Variants in PRH1 observed in about 807,000 individuals in gnomAD.
PRH1 encodes proline rich protein HaeIII subfamily 1, also known as salivary acidic proline-rich phosphoprotein 1/2.
Under a neutral mutation model 7.9 loss-of-function variants are expected in PRH1, and 7 were observed. The ratio of observed to expected loss-of-function variants is 0.89; its 90% CI spans 0.50 to 1.67. PRH1 has a LOEUF of 1.67. Ranked by LOEUF, PRH1 falls within the 40% of genes most tolerant of loss-of-function variation. The pLI is 0.00. For missense variants in PRH1, 109 were observed against 223.6 expected, an observed-to-expected ratio of 0.49 and a Z score of 3.27; for synonymous variants, 45 against 80.8, an observed-to-expected ratio of 0.56 and a Z score of 2.38.
intron 2 of PRH1, among the ~76,000 whole-genome samples, chr12:10,943,295 A>C (rs1379146685): frequency 2.6e-5 from 4 of 152,076 alleles, no homozygotes; most frequent in Non-Finnish European, 4.4e-5. Flanking sequence ...ATGGTACCTC[A>C]TTGTGGTTTT....
rs778048620 is a variant in PRH1, at chr12:11,100,384, G to A, written n.124-53196C>T. 9.2e-5 allele frequency among the ~76,000 whole-genome samples: 14 copies of A among 152,180 alleles called. 1 individual carries two copies. The highest frequency in any genetic ancestry group is 1.6e-4 in the Non-Finnish European group (11 of 68,040). On this transcript the variant is annotated intron_variant and non_coding_transcript_variant, in intron 1 of 4. Coordinates refer to the PRH1 transcript ENST00000541977. ...TCCTCCTGCAACTTGGAAGAAACTG[G>A]AAATTGATTTGATGTGAGGAGTTTT... is the stretch of plus-strand genomic sequence containing the variant.
intron 1 of PRH1, among the ~76,000 whole-genome samples, chr12:11,154,785 C>T (rs1168874176): frequency 1.3e-5 from 2 of 152,150 alleles, no homozygotes; most frequent in Non-Finnish European, 2.9e-5. Flanking sequence ...TGCATTTCTT[C>T]TGGAAAGAAA....
At chr12:10,938,388 A>T in intron 2 of PRH1, 1 of 1,614,076 alleles carries the variant, frequency 6.2e-7, no homozygotes, top group Non-Finnish European at 8.5e-7. Context: ...GAGTGACATG[A>T]AGGATAAGCC....
intron 2 of PRH1, among the ~76,000 whole-genome samples, chr12:10,921,811 G>A (rs1950049003): frequency 6.6e-6 from 1 of 152,084 alleles, no homozygotes; most frequent in South Asian, 2.1e-4. Context: ...TGTCACCCGG[G>A]GCTGGAGTGC....
chr12:11,139,499 C>T (rs2708369), intron 1 of PRH1, among the ~76,000 whole-genome samples: 69,204 of 151,930 alleles, frequency 0.46, 16,550 homozygotes, highest in Non-Finnish European at 0.53. Flanking sequence ...AAGATCATTC[C>T]AAATGTATTT....
intron 2 of PRH1, among the ~76,000 whole-genome samples, chr12:10,900,438 C>A (rs1303467774): frequency 6.6e-6 from 1 of 152,186 alleles, no homozygotes; most frequent in African/African-American, 2.4e-5. Flanking sequence ...CGTAGCTGTG[C>A]AGGCATTTTA....
At chr12:10,884,078 C>T in intron 1 of PRH1, 76 bp downstream of exon 1, 3 of 1,573,772 alleles carry the variant, frequency 1.9e-6, no homozygotes, top group Non-Finnish European at 1.7e-6. Flanking sequence ...CCTCTCTTCC[C>T]TCCACTTTCC....
chr12:10,956,705 A>T (rs1346586428), intron 2 of PRH1, among the ~76,000 whole-genome samples: 1 of 152,162 alleles, frequency 6.6e-6, no homozygotes, highest in Non-Finnish European at 1.5e-5. Context: ...GGTCTGATAA[A>T]CAAACTCAGC....
chr12:11,063,146 T>C (rs1943682703), intron 1 of PRH1, among the ~76,000 whole-genome samples: 1 of 152,128 alleles, frequency 6.6e-6, no homozygotes, highest in South Asian at 2.1e-4. Context: ...TCAAGACTAA[T>C]GTTTAAATAT....
intron 1 of PRH1, among the ~76,000 whole-genome samples, chr12:11,138,812 G>A (rs1298334682): frequency 6.6e-6 from 1 of 151,970 alleles, no homozygotes; most frequent in African/African-American, 2.4e-5. Context: ...GCTGAGGCAG[G>A]TGGATTGCCT....
At chr12:11,019,321 A>G (rs1243681119) in intron 1 of PRH1, among the ~76,000 whole-genome samples, 1 of 149,018 alleles carries the variant, frequency 6.7e-6, no homozygotes, top group Non-Finnish European at 1.5e-5. Flanking sequence ...CAGCAAAATC[A>G]TATCAACATC....
chr12:10,892,054 A>T (rs184197827), intron 2 of PRH1: 1 of 152,116 alleles, frequency 6.6e-6, no homozygotes, highest in Non-Finnish European at 1.5e-5. Flanking sequence ...AGTGAACGAG[A>T]CTCCTAGGGC....
intron 1 of PRH1, among the ~76,000 whole-genome samples, chr12:11,149,101 T>C (rs951105008): frequency 4.0e-5 from 6 of 151,794 alleles, no homozygotes; most frequent in Non-Finnish European, 7.4e-5. Context: ...TCTCTGATGG[T>C]AGTTTGTATT....
At chr12:11,134,245 G>A in intron 1 of PRH1, 2 of 1,605,500 alleles carry the variant, frequency 1.2e-6, no homozygotes, top group Non-Finnish European at 1.7e-6. Flanking sequence ...AAGTTATCAT[G>A]TCTGAACAGA....
rs965041888 is a variant in PRH1 at position 10,883,470 on chromosome 12, C to G, written c.65-374G>C. On this transcript the variant is annotated intron_variant, in intron 1 of 3. Coordinates refer to ENST00000543626, the MANE Select transcript of PRH1 (RefSeq NM_001393989.1). ...CCTCTATAGCATTTGCCTGTAAACC[C>G]TTAGCGCTTATTTAGTTAAACTGCT... is the stretch of plus-strand genomic sequence containing the variant. Among the ~76,000 whole-genome samples, 6 of 152,214 alleles carry G rather than the reference C, an allele frequency of 3.9e-5. No homozygotes were observed. In the South Asian group the frequency reaches 8.3e-4, roughly 21 times the overall value.
intron 1 of PRH1, chr12:11,133,953 G>A (rs1946466127): frequency 6.2e-7 from 1 of 1,614,110 alleles, no homozygotes. Flanking sequence ...CTAGTAGCAA[G>A]CCAGCTGCTG....
At chr12:11,157,580 T>C (rs2136444640) in intron 1 of PRH1, among the ~76,000 whole-genome samples, 1 of 152,376 alleles carries the variant, frequency 6.6e-6, no homozygotes, top group Middle Eastern at 3.4e-3. Context: ...TAAATATTTC[T>C]GGTAGTTAGC....
downstream of PRH1, among the ~76,000 whole-genome samples, chr12:11,118,393 C>G (rs1409588199): frequency 6.6e-6 from 1 of 152,150 alleles, no homozygotes; most frequent in African/African-American, 2.4e-5. Flanking sequence ...CCAGTTAAAA[C>G]AGCTTATATA....
intron 1 of PRH1, among the ~76,000 whole-genome samples, chr12:11,103,653 A>G (rs1042547568): frequency 7.9e-5 from 12 of 152,102 alleles, no homozygotes; most frequent in African/African-American, 2.9e-4. Context: ...AAACCTGCAC[A>G]TTGTGCACAT....
Sources: gnomAD v4.1 joint callset for allele counts (sites outside exome capture counted in the v4.1 genomes callset) on GRCh38, gnomAD v4.1.1 for gene constraint, MANE v1.5 for transcripts, NCBI Gene and HGNC (gene_info 2026-07-23, HGNC 2026-07-21) for gene names.